The following LIN28B variants were observed in gnomAD, a reference collection of about 807,000 sequenced individuals.
LIN28B encodes protein lin-28 homolog B.
Under a neutral mutation model 21.9 loss-of-function variants are expected in LIN28B, and 5 were observed. The observed-to-expected ratio is 0.23, with a 90% confidence interval of 0.12 to 0.48. The LOEUF (loss-of-function observed/expected upper bound fraction) is 0.48. Ranked by LOEUF, LIN28B falls within the 20% of genes least tolerant of loss-of-function variation. The pLI is 0.98. For synonymous variants in LIN28B, 109 were observed against 111.3 expected, an observed-to-expected ratio of 0.98 and a Z score of 0.13; for missense variants, 245 against 310.5, an observed-to-expected ratio of 0.79 and a Z score of 1.58.
intron 3 of LIN28B, among the ~76,000 whole-genome samples, chr6:105,041,415 CTTAAT>C (rs1465518505): frequency 6.6e-6 from 1 of 151,838 alleles, no homozygotes; most frequent in Admixed American, 6.6e-5. Context: ...AAGTTGGATG[CTTAAT>C]TTATCTTCAG....
intron 2 of LIN28B, among the ~76,000 whole-genome samples, chr6:105,000,426 A>G (rs763482577): frequency 5.3e-5 from 8 of 152,180 alleles, no homozygotes; most frequent in Non-Finnish European, 1.2e-4. Flanking sequence ...ATGAATGGGT[A>G]GTATTTGTGA....
In LIN28B at chr6:105,011,769, C is replaced by G. The variant is rs142416758; in HGVS notation, c.199-14529C>G. Among the ~76,000 whole-genome samples, 21 of 152,160 alleles carry G rather than the reference C, an allele frequency of 1.4e-4. 1 individual carries two copies. In the South Asian group the frequency reaches 3.9e-3, roughly 29 times the overall value. ...CTGAGGCAGGAGAATCACTTAAACC[C>G]GGGACGTGGAGGTTGCAGTTAGCTG... On this transcript the variant is annotated intron_variant, in intron 2 of 3. Transcript: ENST00000345080.
chr6:105,057,172 G>C (rs1772037520), intron 3 of LIN28B, among the ~76,000 whole-genome samples: 1 of 152,154 alleles, frequency 6.6e-6, no homozygotes, highest in African/African-American at 2.4e-5. Context: ...CAGCCTAACT[G>C]TGGTACCATT....
chr6:104,998,134 A>G (rs1770650200), intron 2 of LIN28B, among the ~76,000 whole-genome samples: 1 of 152,190 alleles, frequency 6.6e-6, no homozygotes, highest in African/African-American at 2.4e-5. Context: ...ACAGAATATT[A>G]AAATAAACAT....
chr6:104,981,640 T>A (rs373023503), intron 2 of LIN28B, among the ~76,000 whole-genome samples: 4 of 152,338 alleles, frequency 2.6e-5, no homozygotes, highest in East Asian at 3.9e-4. Flanking sequence ...TAAAGCCGCT[T>A]CCTATTCAAA....
At chr6:105,050,588 G>A (rs1469398328) in intron 3 of LIN28B, among the ~76,000 whole-genome samples, 3 of 110,692 alleles carry the variant, frequency 2.7e-5, no homozygotes, top group Admixed American at 1.4e-4. Context: ...CAGCCTGGGC[G>A]ACAGAGCGAG....
At chr6:104,946,903 C>T (rs1017390913) in intron 2 of LIN28B, among the ~76,000 whole-genome samples, 3 of 151,868 alleles carry the variant, frequency 2.0e-5, no homozygotes, top group Non-Finnish European at 2.9e-5. Context: ...TTGAAAAATT[C>T]TGGAGATGAG....
chr6:104,963,446 T>C (rs1307797392), intron 2 of LIN28B, among the ~76,000 whole-genome samples: 1 of 152,216 alleles, frequency 6.6e-6, no homozygotes, highest in Non-Finnish European at 1.5e-5. Context: ...CTCTTTTTCA[T>C]GTATTTAAGT....
chr6:105,028,472 A>G (rs1368827802), intron 3 of LIN28B, among the ~76,000 whole-genome samples: 5 of 152,210 alleles, frequency 3.3e-5, no homozygotes, highest in African/African-American at 1.2e-4. Context: ...GGACAAGGGT[A>G]GTAGCAGTAG....
At position 104,971,014 on chromosome 6, in the gene LIN28B, T is replaced by A. The variant is rs550804989; in HGVS notation, c.198+12728T>A. Among the ~76,000 whole-genome samples the A allele has an allele frequency of 5.9e-5, 9 of 152,308 alleles. No homozygotes were observed. In the South Asian group the frequency reaches 1.7e-3, roughly 28 times the overall value. On this transcript the variant is annotated intron_variant, in intron 2 of 3. Transcript: ENST00000345080. ...TTATTGTGAACCATTAAATATTTGA[T>A]CTTTAAAGTTATTTTAATTTGTTCT...
intron 2 of LIN28B, among the ~76,000 whole-genome samples, chr6:104,998,208 C>G (rs1770651457): frequency 6.6e-6 from 1 of 152,006 alleles, no homozygotes. Flanking sequence ...AAGGTTAAAA[C>G]CAAGAAATAA....
chr6:104,937,160 G>C (rs141469891), intron 2 of LIN28B: 126 of 151,978 alleles, frequency 8.3e-4, no homozygotes, highest in African/African-American at 2.9e-3. Flanking sequence ...TTCTTTCTGA[G>C]ATAGGATCTC....
chr6:104,996,001 C>T (rs1259162289), intron 2 of LIN28B, among the ~76,000 whole-genome samples: 1 of 150,906 alleles, frequency 6.6e-6, no homozygotes. Context: ...TATATACATA[C>T]CCCACTAGAA....
At chr6:104,991,250 C>T (rs1299354616) in intron 2 of LIN28B, among the ~76,000 whole-genome samples, 1 of 151,602 alleles carries the variant, frequency 6.6e-6, no homozygotes, top group African/African-American at 2.4e-5. Context: ...CTGCCTCCCT[C>T]CCGGACGGGG....
At chr6:104,998,365 A>C (rs1451036366) in intron 2 of LIN28B, among the ~76,000 whole-genome samples, 1 of 152,192 alleles carries the variant, frequency 6.6e-6, no homozygotes, top group African/African-American at 2.4e-5. Context: ...TTCAGTGTTA[A>C]ACAGAACATA....
At chr6:104,962,082 C>G (rs937974825) in intron 2 of LIN28B, among the ~76,000 whole-genome samples, 2 of 151,990 alleles carry the variant, frequency 1.3e-5, no homozygotes, top group Non-Finnish European at 2.9e-5. Context: ...TGATTTTGTT[C>G]TGGGAAGGTG....
intron 2 of LIN28B, among the ~76,000 whole-genome samples, chr6:104,942,197 C>T (rs988746299): frequency 6.6e-6 from 1 of 152,088 alleles, no homozygotes; most frequent in African/African-American, 2.4e-5. Context: ...ATTTATCGAT[C>T]ACAAATACTG....
chr6:104,995,741 A>T (rs1770584849), intron 2 of LIN28B, among the ~76,000 whole-genome samples: 1 of 152,166 alleles, frequency 6.6e-6, no homozygotes. Flanking sequence ...GCAAATATAT[A>T]TGTGCGTTTA....
intron 3 of LIN28B, among the ~76,000 whole-genome samples, chr6:104,951,434 A>C (rs1778219280): frequency 6.6e-6 from 1 of 152,074 alleles, no homozygotes; most frequent in Non-Finnish European, 1.5e-5. Context: ...TAGGGGTGAT[A>C]CTCTAATATC....
Sources: gnomAD v4.1 joint callset for allele counts (sites outside exome capture counted in the v4.1 genomes callset) on GRCh38, gnomAD v4.1.1 for gene constraint, MANE v1.5 for transcripts, NCBI Gene and HGNC (gene_info 2026-07-23, HGNC 2026-07-21) for gene names.